Variants in ACMSD observed in about 807,000 individuals in gnomAD.
ACMSD encodes the protein aminocarboxymuconate semialdehyde decarboxylase.
Under a neutral mutation model 45.9 loss-of-function variants are expected in ACMSD, and 37 were observed. The observed-to-expected ratio is 0.81, with a 90% CI of 0.62 to 1.06. The LOEUF is 1.06. Among genes scored for constraint, ACMSD ranks in the 50% least tolerant of loss-of-function variants. The pLI is 0.00. For missense variants in ACMSD, 434 were observed against 420.9 expected (o/e 1.03, Z -0.27); for synonymous variants, 138 against 148.8 (o/e 0.93, Z 0.53).
At chr2:134,871,883 T>G (rs901370067) in intron 7 of ACMSD, among the ~76,000 whole-genome samples, 1 of 152,168 alleles carries the variant, frequency 6.6e-6, no homozygotes, top group Non-Finnish European at 1.5e-5. Context: ...ACTGATAGGT[T>G]GTCTCAATAT....
At position 134,845,297 on chromosome 2, in the gene ACMSD, T is replaced by C. The variant is rs945142343; in HGVS notation, c.102+20T>C. ...AGCAAGGTGAGTTTCTTCCAAAGTATGAACATCAGTAGCACTCAGGGAGAG... is the reference window on the plus strand; with the variant it reads ...AGCAAGGTGAGTTTCTTCCAAAGTACGAACATCAGTAGCACTCAGGGAGAG... On this transcript the variant is annotated intron_variant, in intron 2 of 9. Coordinates refer to ENST00000356140, the MANE Select transcript of ACMSD (RefSeq NM_138326.3). 4 of 1,614,054 alleles carry C rather than the reference T, an allele frequency of 2.5e-6. No individual in the cohort carries two copies. Among genetic ancestry groups the C allele is most frequent in the South Asian group, 1.1e-5 (1 of 91,084 alleles).
chr2:134,900,905 T>C (rs1690462994), intron 9 of ACMSD, among the ~76,000 whole-genome samples: 2 of 152,172 alleles, frequency 1.3e-5, no homozygotes, highest in Non-Finnish European at 2.9e-5. Context: ...GGTACCTCCC[T>C]CAAAGGATAC....
chr2:134,871,101 C>G (rs774397899), intron 7 of ACMSD, 41 bp downstream of exon 7: 20 of 1,513,230 alleles, frequency 1.3e-5, no homozygotes, highest in Non-Finnish European at 1.8e-5. Flanking sequence ...GCTGTCACAA[C>G]AAAATCCCAC....
chr2:134,844,165 T>C (rs1209099819), intron 1 of ACMSD, among the ~76,000 whole-genome samples: 1 of 152,214 alleles, frequency 6.6e-6, no homozygotes, highest in East Asian at 1.9e-4. Flanking sequence ...CTTACCTATG[T>C]TTTCAGGCGG....
intron 2 of ACMSD, among the ~76,000 whole-genome samples, chr2:134,845,510 TCTCTC>T (rs1687011506): frequency 3.0e-5 from 1 of 33,082 alleles, no homozygotes; most frequent in South Asian, 1.9e-3. Context: ...CATTAAAAGG[TCTCTC>T]TCTCTCTCTC....
chr2:134,898,453 T>C lies in ACMSD; in HGVS notation c.948+14T>C. ...GAAGAAACAAAGGTATAATGTCTTT[T>C]ACTTCACGGCTTTCTTACTGACTTT... On this transcript the variant is annotated intron_variant, in intron 9 of 9. Coordinates refer to ENST00000356140, the MANE Select transcript of ACMSD (RefSeq NM_138326.3). 9 of 1,548,878 alleles carry C rather than the reference T, an allele frequency of 5.8e-6. No homozygotes were observed. Among genetic ancestry groups the C allele is most frequent in the Non-Finnish European group, 7.0e-6 (8 of 1,148,022 alleles).
intron 9 of ACMSD, among the ~76,000 whole-genome samples, chr2:134,899,717 A>G (rs563047914): frequency 6.6e-6 from 1 of 152,286 alleles, no homozygotes; most frequent in African/African-American, 2.4e-5. Flanking sequence ...AAGGGTACTC[A>G]TTGTAACGCT....
At chr2:134,874,939 G>A (rs1373385759) in intron 8 of ACMSD, among the ~76,000 whole-genome samples, 1 of 152,132 alleles carries the variant, frequency 6.6e-6, no homozygotes, top group African/African-American at 2.4e-5. Flanking sequence ...CTTATTATCT[G>A]GGAATATAAA....
intron 2 of ACMSD, among the ~76,000 whole-genome samples, chr2:134,855,936 G>A (rs1687559844): frequency 6.6e-6 from 1 of 152,250 alleles, no homozygotes; most frequent in Non-Finnish European, 1.5e-5. Context: ...AGAGCTCAAA[G>A]CCTTTGATCA....
At chr2:134,892,946 A>T (rs1206385324) in intron 8 of ACMSD, among the ~76,000 whole-genome samples, 1 of 152,204 alleles carries the variant, frequency 6.6e-6, no homozygotes, top group Non-Finnish European at 1.5e-5. Context: ...CTTGAAGCTT[A>T]GGATGAGACT....
intron 1 of ACMSD, among the ~76,000 whole-genome samples, chr2:134,840,180 A>ACAAAAAAAAAC: frequency 7.1e-6 from 1 of 140,146 alleles, no homozygotes; most frequent in East Asian, 2.6e-4. Flanking sequence ...AAAAAAAAAA[A>ACAAAAAAAAAC]AAAAAAAAAA....
chr2:134,865,402 G>C (rs1442654141), intron 5 of ACMSD, among the ~76,000 whole-genome samples: 1 of 152,172 alleles, frequency 6.6e-6, no homozygotes, highest in Admixed American at 6.5e-5. Context: ...CATTGGATTT[G>C]GGTTTATGAA....
intron 5 of ACMSD, 162 bp from the exon 6 acceptor site, chr2:134,867,417 A>C (rs1688151673): frequency 2.4e-6 from 1 of 411,494 alleles, no homozygotes; most frequent in African/African-American, 2.0e-5. Context: ...GAAGTTTGTC[A>C]ATATCTCTTC....
rs770438490 is a variant in ACMSD, at chr2:134,838,778, C to T, written c.57+39C>T. 2.9e-5 allele frequency: 44 copies of T among 1,510,980 alleles called. 1 individual carries two copies. In the South Asian group the frequency reaches 4.5e-4, roughly 15 times the overall value. 93.6% of individuals were successfully genotyped at this position (1,510,980 alleles called of 1,614,324 possible). A position where few individuals can be genotyped will look rare whatever the true frequency, so the allele number is the denominator to read the frequency against. On this transcript the variant is annotated intron_variant, in intron 1 of 9. Coordinates refer to ENST00000356140, the MANE Select transcript of ACMSD (RefSeq NM_138326.3). ...ATTTGCTGAATTATTTCTGAAACTT[C>T]TCCAGGGTTTCTCAATGCCTTTCTC...
intron 2 of ACMSD, among the ~76,000 whole-genome samples, chr2:134,846,570 ATTATT>A (rs549076321): frequency 6.8e-4 from 103 of 152,128 alleles, no homozygotes; most frequent in African/African-American, 2.2e-3. Context: ...TGCCCAGATC[ATTATT>A]TTATTTTATT....
At chr2:134,864,335 G>C (rs1474444335) in intron 5 of ACMSD, among the ~76,000 whole-genome samples, 1 of 151,586 alleles carries the variant, frequency 6.6e-6, no homozygotes, top group Admixed American at 6.6e-5. Context: ...GAAATAATTT[G>C]GAAGAAATTA....
intron 3 of ACMSD, 97 bp from the exon 4 acceptor site, chr2:134,861,872 T>G: frequency 7.5e-7 from 1 of 1,332,038 alleles, no homozygotes; most frequent in Non-Finnish European, 1.1e-6. Context: ...CAGGAGGAGT[T>G]TAGGGTGGAG....
chr2:134,901,854 T>G lies in ACMSD; in HGVS notation c.1005T>G (p.Phe335Leu), dbSNP rs1420719336. 2 of 1,599,512 alleles carry G rather than the reference T, an allele frequency of 1.3e-6. No homozygotes were observed. The highest frequency in any genetic ancestry group is 2.7e-5 in the African/African-American group (2 of 74,672). The stretch of plus-strand genomic sequence containing the variant: ...TTTTGGGTCTTGAGAGAAAACAATT[T>G]GAATGACTGAATTTACTACAAAGGC... The part of the protein sequence containing the change: ...LAFLGLERKQ[F>L]E Residue 335 changes from phenylalanine (F) to leucine (L), a missense_variant, in exon 10 of 10, where the codon TTT (phenylalanine) becomes TTG (leucine). By Grantham distance (22) the Phe-to-Leu change is conservative (BLOSUM62 0). Transcript: ENST00000356140.
intron 2 of ACMSD, among the ~76,000 whole-genome samples, chr2:134,858,056 G>T (rs1313702586): frequency 1.3e-5 from 2 of 152,020 alleles, no homozygotes; most frequent in Non-Finnish European, 2.9e-5. Context: ...AATGAAACCA[G>T]TATGTTGAAG....
Sources: allele counts gnomAD v4.1 joint callset (sites outside exome capture counted in the v4.1 genomes callset), GRCh38; gene constraint gnomAD v4.1.1; transcripts MANE v1.5; gene names NCBI Gene and HGNC (gene_info 2026-07-23, HGNC 2026-07-21).